LGR5: variants seen among roughly 807,000 people sequenced by gnomAD.
LGR5 encodes the protein leucine-rich repeat-containing G protein-coupled receptor 5.
Under a neutral mutation model 76.7 loss-of-function variants are expected in LGR5, and 54 were observed. The observed-to-expected ratio is 0.70, with a 90% confidence interval of 0.57 to 0.88. The LOEUF (loss-of-function observed/expected upper bound fraction) is 0.88. LGR5 is among the 40% of genes least tolerant of loss of function. The pLI is 0.00. For synonymous variants in LGR5, 406 were observed against 421.9 expected, an observed-to-expected ratio of 0.96 and a Z score of 0.46; for missense variants, 1,078 against 1,073.3, an observed-to-expected ratio of 1.00 and a Z score of -0.06.
intron 1 of LGR5, among the ~76,000 whole-genome samples, chr12:71,459,479 A>C (rs1302162302): frequency 6.6e-6 from 1 of 152,060 alleles, no homozygotes; most frequent in African/African-American, 2.4e-5. Context: ...AGTCCCCTCT[A>C]TTCTTCTCAC....
At chr12:71,579,624 A>G (rs570765517) in intron 15 of LGR5, among the ~76,000 whole-genome samples, 2 of 152,304 alleles carry the variant, frequency 1.3e-5, no homozygotes, top group African/African-American at 4.8e-5. Flanking sequence ...CCCCTCAAGC[A>G]TTTATCCTTT....
At chr12:71,456,357 C>T (rs1826356314) in intron 1 of LGR5, among the ~76,000 whole-genome samples, 1 of 152,134 alleles carries the variant, frequency 6.6e-6, no homozygotes, top group Non-Finnish European at 1.5e-5. Flanking sequence ...CTGAAAACTG[C>T]AGTGACCAGG....
chr12:71,499,969 C>T (rs1225484404), intron 1 of LGR5, among the ~76,000 whole-genome samples: 3 of 152,016 alleles, frequency 2.0e-5, no homozygotes, highest in Middle Eastern at 3.4e-3. Flanking sequence ...AGGGCTTAAC[C>T]AAAGGCAGCC....
At chr12:71,447,285 A>G (rs1229347747) in intron 1 of LGR5, among the ~76,000 whole-genome samples, 2 of 152,246 alleles carry the variant, frequency 1.3e-5, no homozygotes, top group Non-Finnish European at 2.9e-5. Context: ...TGCATAAGTC[A>G]TAGAAAAGTC....
chr12:71,573,418 A>T lies in LGR5; in HGVS notation c.1208+497A>T, dbSNP rs541970858. On this transcript the variant is annotated intron_variant, in intron 13 of 17. Coordinates refer to ENST00000266674, the MANE Select transcript of LGR5 (RefSeq NM_003667.4). Reference sequence around the variant, plus strand: ...ACTGGGAATCTGCATTTTAACAAGTACACTAAGGTTTGAACACAGCTGTTC... The same window carrying T: ...ACTGGGAATCTGCATTTTAACAAGTTCACTAAGGTTTGAACACAGCTGTTC... Among the ~76,000 whole-genome samples the T allele has an allele frequency of 2.6e-5, 4 of 152,338 alleles. No individual in the cohort carries two copies. The East Asian group carries it at 5.8e-4, about 22-fold the overall frequency.
intron 1 of LGR5, among the ~76,000 whole-genome samples, chr12:71,500,957 T>C (rs1025839587): frequency 6.6e-6 from 1 of 152,242 alleles, no homozygotes; most frequent in Non-Finnish European, 1.5e-5. Flanking sequence ...ATCCATTTCT[T>C]ACAAAATCCT....
chr12:71,532,428 T>G (rs1373047616), intron 3 of LGR5, among the ~76,000 whole-genome samples: 1 of 152,192 alleles, frequency 6.6e-6, no homozygotes, highest in Non-Finnish European at 1.5e-5. Flanking sequence ...TTTGAGACTC[T>G]TGATTTATGA....
chr12:71,542,880 A>T (rs1876955093), intron 4 of LGR5, among the ~76,000 whole-genome samples: 1 of 152,132 alleles, frequency 6.6e-6, no homozygotes, highest in Non-Finnish European at 1.5e-5. Context: ...GAAAAAAAAA[A>T]AGTAAAATCT....
At chr12:71,554,291 G>C (rs913485430) in intron 5 of LGR5, among the ~76,000 whole-genome samples, 2 of 152,140 alleles carry the variant, frequency 1.3e-5, no homozygotes, top group African/African-American at 4.8e-5. Flanking sequence ...CTTGCTCTGA[G>C]TCAGTCCTGG....
In LGR5 at chr12:71,584,724, CA is replaced by C; in HGVS notation, c.2715del (p.Cys906ValfsTer4). 6.2e-7 allele frequency: 1 copy of C among 1,609,756 alleles called. No homozygotes were observed. Among genetic ancestry groups the C allele is most frequent in the Non-Finnish European group, 8.5e-7 (1 of 1,176,542 alleles). On this transcript the variant is annotated frameshift_variant, in exon 18 of 18. Transcript: ENST00000266674. LOFTEE classifies it high-confidence loss of function. ...CATCTTTCCTCTGTGGCATTTGTCCCATGTCTCTAATTAATATGTGAAGGAA... is the reference window on the plus strand; with the variant it reads ...CATCTTTCCTCTGTGGCATTTGTCCCTGTCTCTAATTAATATGTGAAGGAA... ...SCHLSSVAFV[P>X]CL is the part of the protein sequence containing the mutation.
chr12:71,568,535 G>A (rs770089700), intron 11 of LGR5, among the ~76,000 whole-genome samples: 2 of 152,230 alleles, frequency 1.3e-5, no homozygotes, highest in African/African-American at 2.4e-5. Context: ...AAAGCCGGGA[G>A]GAATACACAT....
Position 71,492,460 on chromosome 12 carries a change from T to C in LGR5, c.213-12154T>C, listed in dbSNP as rs537867121. Among the ~76,000 whole-genome samples, 24 of 152,300 alleles carry C rather than the reference T, an allele frequency of 1.6e-4. No individual in the cohort carries two copies. In the South Asian group the frequency reaches 4.8e-3, roughly 30 times the overall value. On this transcript the variant is annotated intron_variant, in intron 1 of 17. Transcript: ENST00000266674. Reference sequence around the variant, plus strand: ...AGAAATATTTTTTCACTCCAAGAGATGTGTTGGTTTATTAGGGTGGGGTTT... The same window carrying C: ...AGAAATATTTTTTCACTCCAAGAGACGTGTTGGTTTATTAGGGTGGGGTTT...
At chr12:71,494,360 G>A (rs914568147) in intron 1 of LGR5, among the ~76,000 whole-genome samples, 3 of 150,624 alleles carry the variant, frequency 2.0e-5, no homozygotes, top group Non-Finnish European at 4.4e-5. Flanking sequence ...TTACAAGCAT[G>A]AACCACTGAA....
chr12:71,493,787 G>A (rs1191907729), intron 1 of LGR5, among the ~76,000 whole-genome samples: 39 of 71,872 alleles, frequency 5.4e-4, no homozygotes, highest in African/African-American at 1.8e-3. Context: ...TTTTTTTTTC[G>A]AGACAGGGTC....
At chr12:71,582,595 C>A in intron 17 of LGR5, 56 bp downstream of exon 17, 2 of 1,319,352 alleles carry the variant, frequency 1.5e-6, no homozygotes, top group South Asian at 1.2e-5. Flanking sequence ...ATTCTGAGTC[C>A]ATGAAAAACA....
At chr12:71,533,571 G>A (rs1168689063) in intron 3 of LGR5, among the ~76,000 whole-genome samples, 3 of 152,060 alleles carry the variant, frequency 2.0e-5, no homozygotes, top group Non-Finnish European at 4.4e-5. Context: ...GAACCCTAAA[G>A]TTTGACAACC....
chr12:71,498,090 T>C (rs1565694402), intron 1 of LGR5, among the ~76,000 whole-genome samples: 2 of 152,116 alleles, frequency 1.3e-5, no homozygotes, highest in Admixed American at 6.6e-5. Context: ...AAGCAGCAGT[T>C]AGTGGCACTT....
chr12:71,493,747 C>A (rs1299064346), intron 1 of LGR5, among the ~76,000 whole-genome samples: 1 of 144,140 alleles, frequency 6.9e-6, no homozygotes. Context: ...TTTCAGTTGT[C>A]TTATTTGATT....
chr12:71,541,077 G>A (rs561689126), intron 4 of LGR5, among the ~76,000 whole-genome samples: 4 of 152,158 alleles, frequency 2.6e-5, no homozygotes, highest in South Asian at 4.1e-4. Context: ...ACAGTGAAGC[G>A]TTCACTTCAC....
Sources: gnomAD v4.1 joint callset for allele counts (sites outside exome capture counted in the v4.1 genomes callset) on GRCh38, gnomAD v4.1.1 for gene constraint, MANE v1.5 for transcripts, NCBI Gene and HGNC (gene_info 2026-07-23, HGNC 2026-07-21) for gene names.